The following LRP1B variants were observed in gnomAD, a reference collection of about 807,000 sequenced individuals.
The protein encoded by LRP1B is LDL receptor related protein 1B, also known as low-density lipoprotein receptor-related protein 1B.
A neutral mutation model predicts 556.6 loss-of-function variants in LRP1B; 217 were observed. The ratio of observed to expected loss-of-function variants is 0.39; its 90% CI spans 0.35 to 0.44. The LOEUF (loss-of-function observed/expected upper bound fraction) is 0.44. LRP1B is among the 20% of genes least tolerant of loss of function. The probability of loss-of-function intolerance (pLI) is 1.00; values close to 1 mark genes in which losing one functional copy is unlikely to be tolerated. For synonymous variants in LRP1B, 2,047 were observed against 1,865.8 expected, an observed-to-expected ratio of 1.10 and a Z score of -2.50; for missense variants, 5,053 against 5,620.8, an observed-to-expected ratio of 0.90 and a Z score of 3.23.
chr2:140,686,108 A>C (rs891532606), intron 41 of LRP1B, among the ~76,000 whole-genome samples: 1 of 152,138 alleles, frequency 6.6e-6, no homozygotes, highest in African/African-American at 2.4e-5. Flanking sequence ...AGGAGTAAAC[A>C]TGTGGTTAAG....
intron 2 of LRP1B, among the ~76,000 whole-genome samples, chr2:141,512,981 C>CTATAAATTATAGA: frequency 6.6e-6 from 1 of 152,234 alleles, no homozygotes; most frequent in Non-Finnish European, 1.5e-5. Context: ...ACTCCTAAAA[C>CTATAAATTATAGA]CATCAAAATA....
At chr2:140,748,825 T>TC in intron 35 of LRP1B, among the ~76,000 whole-genome samples, 1 of 92,324 alleles carries the variant, frequency 1.1e-5, no homozygotes, top group African/African-American at 4.6e-5. Flanking sequence ...ATATAATATA[T>TC]ATCATATATT....
chr2:141,837,945 T>C (rs1199421438), intron 1 of LRP1B, among the ~76,000 whole-genome samples: 2 of 152,160 alleles, frequency 1.3e-5, no homozygotes, highest in Non-Finnish European at 2.9e-5. Context: ...GTATGTCATG[T>C]TGTTGCAAAT....
intron 77 of LRP1B, among the ~76,000 whole-genome samples, chr2:140,346,658 C>A (rs189607082): frequency 1.5e-3 from 221 of 152,006 alleles, no homozygotes; most frequent in Admixed American, 3.4e-3. Flanking sequence ...TTTTTGCACA[C>A]ACACACACGC....
chr2:142,022,297 G>A lies in LRP1B; in HGVS notation c.82+108351C>T, dbSNP rs114804791. Reference sequence around the variant, plus strand: ...TAATGTTGTAAAAAAAAACAACAGTGAAATACTGTTTAATTAAGAATAGAT... The same window carrying A: ...TAATGTTGTAAAAAAAAACAACAGTAAAATACTGTTTAATTAAGAATAGAT... On this transcript the variant is annotated intron_variant, in intron 1 of 90. Coordinates refer to ENST00000389484, the MANE Select transcript of LRP1B (RefSeq NM_018557.3). Among the ~76,000 whole-genome samples, 1,273 of 147,744 alleles carry A rather than the reference G, an allele frequency of 8.6e-3. 10 individuals are homozygous for A. The highest frequency in any genetic ancestry group is 0.013 in the Non-Finnish European group (898 of 66,956).
At chr2:140,446,204 C>G (rs1313571328) in intron 63 of LRP1B, among the ~76,000 whole-genome samples, 1 of 152,056 alleles carries the variant, frequency 6.6e-6, no homozygotes, top group East Asian at 1.9e-4. Flanking sequence ...ATACAATTTT[C>G]TCTAATACTC....
At chr2:141,152,158 C>T (rs1701941382) in intron 7 of LRP1B, among the ~76,000 whole-genome samples, 1 of 151,594 alleles carries the variant, frequency 6.6e-6, no homozygotes, top group African/African-American at 2.4e-5. Flanking sequence ...GAGGAGAAGC[C>T]TGGATTAATG....
intron 43 of LRP1B, among the ~76,000 whole-genome samples, chr2:140,543,876 T>C (rs1680225913): frequency 6.6e-6 from 1 of 151,988 alleles, no homozygotes; most frequent in African/African-American, 2.4e-5. Flanking sequence ...TATTTCTGTA[T>C]ACTAGCTATG....
chr2:141,526,071 A>G (rs1267548744), intron 2 of LRP1B, among the ~76,000 whole-genome samples: 1 of 152,050 alleles, frequency 6.6e-6, no homozygotes. Context: ...CTAAAGTCAT[A>G]CAGTTAGTGT....
intron 66 of LRP1B, among the ~76,000 whole-genome samples, chr2:140,426,465 C>G (rs1685658514): frequency 6.6e-6 from 1 of 152,054 alleles, no homozygotes; most frequent in Non-Finnish European, 1.5e-5. Context: ...ATGGCCGGTT[C>G]CTGCCTTAAC....
intron 2 of LRP1B, among the ~76,000 whole-genome samples, chr2:141,649,310 A>G (rs1689697977): frequency 6.6e-6 from 1 of 152,228 alleles, no homozygotes; most frequent in Non-Finnish European, 1.5e-5. Flanking sequence ...GGTGTCTTTC[A>G]TCATGGTATA....
At chr2:141,611,526 G>T (rs974062086) in intron 2 of LRP1B, among the ~76,000 whole-genome samples, 5 of 152,130 alleles carry the variant, frequency 3.3e-5, no homozygotes, top group African/African-American at 1.2e-4. Context: ...AGCCTTAAAT[G>T]CTATTACTCT....
At chr2:140,352,333 G>A (rs545940274) in intron 76 of LRP1B, among the ~76,000 whole-genome samples, 10 of 151,894 alleles carry the variant, frequency 6.6e-5, no homozygotes, top group Admixed American at 2.0e-4. Context: ...GTACCACCAC[G>A]CCTGGCTAAT....
intron 20 of LRP1B, among the ~76,000 whole-genome samples, chr2:140,935,176 G>C (rs1172417244): frequency 6.6e-6 from 1 of 152,018 alleles, no homozygotes; most frequent in Non-Finnish European, 1.5e-5. Flanking sequence ...ATAAACCAAT[G>C]AAAAGTATCT....
chr2:141,751,496 C>A (rs891136293), intron 2 of LRP1B, among the ~76,000 whole-genome samples: 2 of 152,066 alleles, frequency 1.3e-5, no homozygotes, highest in African/African-American at 4.8e-5. Context: ...TATAGAATAT[C>A]TCCAAGGCCT....
intron 32 of LRP1B, among the ~76,000 whole-genome samples, chr2:140,799,929 C>T (rs1690448244): frequency 6.6e-6 from 1 of 152,060 alleles, no homozygotes; most frequent in African/African-American, 2.4e-5. Context: ...GGGTGCAGCC[C>T]ACCGAGCATG....
intron 2 of LRP1B, among the ~76,000 whole-genome samples, chr2:141,746,070 A>AG (rs1356015526): frequency 3.3e-5 from 5 of 152,018 alleles, no homozygotes; most frequent in African/African-American, 1.2e-4. Flanking sequence ...AGAGGAAGGA[A>AG]GGGTCTCTTT....
At chr2:141,435,691 C>T (rs1178586287) in intron 3 of LRP1B, among the ~76,000 whole-genome samples, 12 of 152,178 alleles carry the variant, frequency 7.9e-5, no homozygotes, top group Non-Finnish European at 1.8e-4. Flanking sequence ...GTCTTTTTGG[C>T]TTGCCTGTCT....
intron 7 of LRP1B, among the ~76,000 whole-genome samples, chr2:141,126,688 C>T (rs1430823630): frequency 6.6e-6 from 1 of 152,028 alleles, no homozygotes; most frequent in African/African-American, 2.4e-5. Flanking sequence ...ATCCAATCAG[C>T]CACTCTTATG....
Sources: gnomAD v4.1 joint callset for allele counts (sites outside exome capture counted in the v4.1 genomes callset) on GRCh38, gnomAD v4.1.1 for gene constraint, MANE v1.5 for transcripts, NCBI Gene and HGNC (gene_info 2026-07-23, HGNC 2026-07-21) for gene names.